SGTA: variants seen among roughly 807,000 people sequenced by gnomAD.
The protein encoded by SGTA is small glutamine rich tetratricopeptide repeat co-chaperone alpha.
SGTA carries 22 observed loss-of-function variants against 44.3 expected under a neutral mutation model. That is an observed-to-expected ratio of 0.50 (90% CI 0.36 to 0.71). The LOEUF (loss-of-function observed/expected upper bound fraction) is 0.71. Among genes scored for constraint, SGTA ranks in the 30% least tolerant of loss-of-function variants. The probability of loss-of-function intolerance (pLI) is 0.00; values close to 1 mark genes in which losing one functional copy is unlikely to be tolerated. For missense variants in SGTA, 341 were observed against 435.9 expected (o/e 0.78, Z 1.94); for synonymous variants, 174 against 177.6 (o/e 0.98, Z 0.16).
intron 2 of SGTA, 49 bp downstream of exon 2, chr19:2,768,920 G>C: frequency 7.1e-7 from 1 of 1,403,002 alleles, no homozygotes; most frequent in Non-Finnish European, 1.0e-6. Context: ...CGAGGCGACT[G>C]TGCTGGCCGC....
intron 4 of SGTA, among the ~76,000 whole-genome samples, chr19:2,766,264 T>G (rs1247581900): frequency 6.6e-6 from 1 of 152,026 alleles, no homozygotes; most frequent in African/African-American, 2.4e-5. Context: ...TCCTTTTGTG[T>G]CTGGCCTCTC....
At chr19:2,775,848 T>A (rs1915434674) in intron 1 of SGTA, among the ~76,000 whole-genome samples, 1 of 152,124 alleles carries the variant, frequency 6.6e-6, no homozygotes, top group South Asian at 2.1e-4. Flanking sequence ...GAATCACAGC[T>A]CAATGTTTTA....
Position 2,765,591 on chromosome 19 carries a change from G to T in SGTA, c.293-306C>A, listed in dbSNP as rs541439872. ...TGCCTGGATGGCGACCCCGGGAGCA[G>T]AACAGTTAATACAGCTCACCGGCCC... is the stretch of plus-strand genomic sequence containing the variant. On this transcript the variant is annotated intron_variant, in intron 4 of 11. Coordinates refer to ENST00000221566, the MANE Select transcript of SGTA (RefSeq NM_003021.4). This position sits in a 1 kb window ranked among gnomAD's most constrained non-coding sequence, Gnocchi z 5.5. Among the ~76,000 whole-genome samples the T allele has an allele frequency of 2.0e-5, 3 of 152,052 alleles. No individual in the cohort carries two copies. Among genetic ancestry groups the T allele is most frequent in the Non-Finnish European group, 4.4e-5 (3 of 67,974 alleles).
At chr19:2,775,155 C>T (rs1197375491) in intron 1 of SGTA, among the ~76,000 whole-genome samples, 1 of 152,242 alleles carries the variant, frequency 6.6e-6, no homozygotes, top group African/African-American at 2.4e-5. Flanking sequence ...GTGACCTATG[C>T]GGCAGGACTG....
intron 1 of SGTA, among the ~76,000 whole-genome samples, chr19:2,780,319 T>C (rs1048738335): frequency 2.6e-5 from 4 of 152,212 alleles, no homozygotes; most frequent in African/African-American, 9.6e-5. Flanking sequence ...CCGGGTGCCC[T>C]GCTCCTCACT....
chr19:2,771,582 G>T (rs372442336), intron 1 of SGTA, among the ~76,000 whole-genome samples: 2 of 151,680 alleles, frequency 1.3e-5, no homozygotes, highest in Non-Finnish European at 2.9e-5. Context: ...CATCGGGGGG[G>T]GGGGGAGGGG....
intron 1 of SGTA, among the ~76,000 whole-genome samples, chr19:2,781,797 C>T (rs1915580675): frequency 6.6e-6 from 1 of 152,092 alleles, no homozygotes. Flanking sequence ...CGGGCCCACA[C>T]AGTCCCAGCT....
At chr19:2,776,068 G>T (rs1216726129) in intron 1 of SGTA, among the ~76,000 whole-genome samples, 1 of 152,106 alleles carries the variant, frequency 6.6e-6, no homozygotes, top group African/African-American at 2.4e-5. Flanking sequence ...CGACACATCA[G>T]GGCCCACGGC....
chr19:2,758,811 C>T (rs753934113), intron 9 of SGTA, among the ~76,000 whole-genome samples: 11 of 152,204 alleles, frequency 7.2e-5, no homozygotes, highest in African/African-American at 1.9e-4. Context: ...TGAAAAGGAG[C>T]GAGGCCCTGA....
At chr19:2,771,578 G>A (rs796756989) in intron 1 of SGTA, among the ~76,000 whole-genome samples, 1 of 147,150 alleles carries the variant, frequency 6.8e-6, no homozygotes, top group African/African-American at 2.6e-5. Context: ...TCCCCATCGG[G>A]GGGGGGGGGA....
At chr19:2,771,575 C>CAT (rs1491535389) in intron 1 of SGTA, among the ~76,000 whole-genome samples, 5 of 109,280 alleles carry the variant, frequency 4.6e-5, no homozygotes, top group African/African-American at 1.9e-4. Flanking sequence ...ACCTCCCCAT[C>CAT]GGGGGGGGGG....
chr19:2,768,624 T>C (rs1054753604), intron 2 of SGTA, among the ~76,000 whole-genome samples: 8 of 152,166 alleles, frequency 5.3e-5, no homozygotes, highest in Admixed American at 3.3e-4. Context: ...GAGAGCTTTT[T>C]CCCCGTGACC....
At chr19:2,776,352 C>T (rs921100333) in intron 1 of SGTA, among the ~76,000 whole-genome samples, 5 of 152,232 alleles carry the variant, frequency 3.3e-5, no homozygotes, top group Admixed American at 6.5e-5. Flanking sequence ...AGCCACACGA[C>T]GGAACGCTAC....
At chr19:2,771,510 A>C (rs149166724) in intron 1 of SGTA, among the ~76,000 whole-genome samples, 3 of 149,148 alleles carry the variant, frequency 2.0e-5, no homozygotes, top group Non-Finnish European at 4.4e-5. Flanking sequence ...AGGGGAAGCG[A>C]CTTAACTCTG....
chr19:2,768,934 C>G (rs762848760), intron 2 of SGTA, 35 bp downstream of exon 2: 13 of 1,516,888 alleles, frequency 8.6e-6, no homozygotes, highest in Non-Finnish European at 1.1e-5. Flanking sequence ...TGGCCGCTGC[C>G]CGGGGAGAGG....
At position 2,771,877 on chromosome 19, in the gene SGTA, T is replaced by C. The variant is rs942014447; in HGVS notation, c.-23-2786A>G. ...CCTCTGTTCTTGCGATGAGGTTCCCTTGGCTGGGCCTCCCTTCTCCACCTG... is the reference window on the plus strand; with the variant it reads ...CCTCTGTTCTTGCGATGAGGTTCCCCTGGCTGGGCCTCCCTTCTCCACCTG... On this transcript the variant is annotated intron_variant, in intron 1 of 11. Coordinates refer to ENST00000221566, the MANE Select transcript of SGTA (RefSeq NM_003021.4). Among the ~76,000 whole-genome samples the C allele has an allele frequency of 5.9e-5, 9 of 152,322 alleles. No individual in the cohort carries two copies. The South Asian group carries it at 1.9e-3, about 32-fold the overall frequency.
intron 1 of SGTA, among the ~76,000 whole-genome samples, chr19:2,775,516 G>C (rs1047614371): frequency 3.8e-4 from 58 of 152,326 alleles, no homozygotes; most frequent in Middle Eastern, 3.4e-3. Context: ...CCCTTTCAGG[G>C]AAAGCAACAT....
Position 2,765,212 on chromosome 19 carries a change from T to C in SGTA, c.366A>G (p.Pro122=). 1.2e-6 allele frequency: 2 copies of C among 1,614,098 alleles called. No individual in the cohort carries two copies. The highest frequency in any genetic ancestry group is 2.2e-5 in the East Asian group (1 of 44,886). The change falls in exon 5 of 12, where the codon CCA becomes CCG. Residue 122 remains proline (P), a synonymous_variant. Coordinates refer to ENST00000221566, the MANE Select transcript of SGTA (RefSeq NM_003021.4). This position sits in a 1 kb window ranked among gnomAD's most constrained non-coding sequence, Gnocchi z 5.5. The part of the protein sequence containing the change: ...HFYGKAIELN[P]ANAVYFCNRA... ...TGTTGCAGAAATAGACGGCGTTGGC[T>C]GGGTTGAGCTCGATGGCTTTTCCGT...
chr19:2,758,054 C>T (rs1316996797), intron 9 of SGTA, among the ~76,000 whole-genome samples: 8 of 152,172 alleles, frequency 5.3e-5, no homozygotes, highest in East Asian at 3.9e-4. Context: ...GCAATGGCAG[C>T]GGACATTTGC....
Sources: allele counts gnomAD v4.1 joint callset (sites outside exome capture counted in the v4.1 genomes callset), GRCh38; gene constraint gnomAD v4.1.1; non-coding constraint Gnocchi (gnomAD v3.1); transcripts MANE v1.5; gene names NCBI Gene and HGNC (gene_info 2026-07-23, HGNC 2026-07-21).